The following PDE4D variants were observed in gnomAD, a reference collection of about 807,000 sequenced individuals.
PDE4D encodes the protein 3',5'-cyclic-AMP phosphodiesterase 4D.
Under a neutral mutation model 87.4 loss-of-function variants are expected in PDE4D, and 24 were observed. The observed-to-expected ratio is 0.27, with a 90% confidence interval of 0.20 to 0.39. The LOEUF is 0.39. PDE4D is among the 10% of genes least tolerant of loss of function. PDE4D has a pLI of 1.00. For synonymous variants in PDE4D, 384 were observed against 383.2 expected, an observed-to-expected ratio of 1.00 and a Z score of -0.02; for missense variants, 714 against 1,041.0, an observed-to-expected ratio of 0.69 and a Z score of 4.32.
intron 1 of PDE4D, among the ~76,000 whole-genome samples, chr5:60,192,045 C>G (rs1785238632): frequency 6.6e-6 from 1 of 152,052 alleles, no homozygotes; most frequent in Non-Finnish European, 1.5e-5. Flanking sequence ...CATTATCATT[C>G]TTTTGCCTTT....
rs554791891 is a variant in PDE4D, at chr5:60,419,142, A to G, written c.-90+68800T>C. On this transcript the variant is annotated intron_variant, in intron 1 of 16. Coordinates refer to the PDE4D transcript ENST00000502484. The stretch of plus-strand genomic sequence containing the variant: ...TCAGGTAGCAATTGCACTTTTATGA[A>G]TGTATCCTACAGATATACTGGCATA... Among the ~76,000 whole-genome samples the G allele has an allele frequency of 4.6e-5, 7 of 152,300 alleles. No individual in the cohort carries two copies. The East Asian group carries it at 1.4e-3, about 29-fold the overall frequency.
chr5:59,575,368 T>A (rs988103575), intron 1 of PDE4D, among the ~76,000 whole-genome samples: 4 of 152,144 alleles, frequency 2.6e-5, no homozygotes, highest in Non-Finnish European at 5.9e-5. Flanking sequence ...TTACAGACTT[T>A]TATCTCACCA....
intron 1 of PDE4D, among the ~76,000 whole-genome samples, chr5:59,689,579 T>G (rs1305649520): frequency 1.3e-5 from 2 of 152,100 alleles, no homozygotes; most frequent in African/African-American, 2.4e-5. Context: ...CTCAAAATAA[T>G]AAGAGCTATT....
At chr5:60,083,705 ATAC>A (rs1774227262) in intron 2 of PDE4D, among the ~76,000 whole-genome samples, 1 of 152,238 alleles carries the variant, frequency 6.6e-6, no homozygotes, top group South Asian at 2.1e-4. Flanking sequence ...GGCCTCAGAA[ATAC>A]TACTTCCTGT....
chr5:60,478,044 A>G (rs752248655), intron 1 of PDE4D, among the ~76,000 whole-genome samples: 36 of 152,216 alleles, frequency 2.4e-4, no homozygotes, highest in Non-Finnish European at 4.7e-4. Flanking sequence ...TTACACAACA[A>G]TAGCTAACTG....
At chr5:59,885,427 C>G (rs1749999817) in intron 1 of PDE4D, among the ~76,000 whole-genome samples, 1 of 152,124 alleles carries the variant, frequency 6.6e-6, no homozygotes, top group Non-Finnish European at 1.5e-5. Flanking sequence ...CCATTTCAAA[C>G]TGCTTACTTT....
chr5:60,338,727 G>A (rs989071397), intron 1 of PDE4D, among the ~76,000 whole-genome samples: 12 of 151,850 alleles, frequency 7.9e-5, no homozygotes, highest in African/African-American at 2.7e-4. Flanking sequence ...GGGGATGCTG[G>A]CAATTTGAAT....
chr5:59,222,427 G>A (rs548117678), intron 1 of PDE4D, among the ~76,000 whole-genome samples: 2 of 152,216 alleles, frequency 1.3e-5, no homozygotes, highest in African/African-American at 4.8e-5. Context: ...TAGCCATCAG[G>A]ACCTTATACT....
intron 1 of PDE4D, among the ~76,000 whole-genome samples, chr5:60,485,942 C>A (rs1177239460): frequency 1.3e-5 from 2 of 152,184 alleles, no homozygotes; most frequent in East Asian, 3.8e-4. Flanking sequence ...TTTTAAACAT[C>A]CTCTGAATTA....
intron 1 of PDE4D, among the ~76,000 whole-genome samples, chr5:59,295,344 A>T (rs887043173): frequency 6.6e-6 from 1 of 152,146 alleles, no homozygotes; most frequent in Non-Finnish European, 1.5e-5. Context: ...AAGTCTATGG[A>T]AGTTGTATTT....
chr5:59,318,566 A>T (rs1774153966), intron 1 of PDE4D, among the ~76,000 whole-genome samples: 1 of 152,098 alleles, frequency 6.6e-6, no homozygotes, highest in Non-Finnish European at 1.5e-5. Context: ...TTTTTTAAAA[A>T]AAGGGTTCTG....
chr5:59,198,436 C>G (rs1285076643), intron 2 of PDE4D, among the ~76,000 whole-genome samples: 2 of 152,178 alleles, frequency 1.3e-5, no homozygotes, highest in East Asian at 3.9e-4. Context: ...ACTTCTAGAA[C>G]AGCCAGGATG....
intron 1 of PDE4D, among the ~76,000 whole-genome samples, chr5:59,646,887 T>G (rs187736669): frequency 6.6e-6 from 1 of 152,094 alleles, no homozygotes; most frequent in East Asian, 1.9e-4. Flanking sequence ...TACAAAAAAT[T>G]AGCTGATCAT....
intron 5 of PDE4D, among the ~76,000 whole-genome samples, chr5:59,130,032 T>C (rs551635731): frequency 7.9e-5 from 12 of 152,250 alleles, no homozygotes; most frequent in African/African-American, 4.8e-5. Context: ...ATTAGTAAGA[T>C]TGAACAAAGG....
intron 1 of PDE4D, among the ~76,000 whole-genome samples, chr5:59,413,478 A>G (rs918702075): frequency 5.3e-5 from 8 of 151,176 alleles, no homozygotes; most frequent in African/African-American, 1.5e-4. Context: ...AAAAAAAAAA[A>G]AAAGAAATGC....
At chr5:60,007,281 T>C (rs1218520322) in intron 2 of PDE4D, among the ~76,000 whole-genome samples, 1 of 152,028 alleles carries the variant, frequency 6.6e-6, no homozygotes, top group Non-Finnish European at 1.5e-5. Flanking sequence ...GAATAACAAA[T>C]CATGCCAAAC....
At chr5:60,047,518 T>G (rs1009046203) in intron 2 of PDE4D, among the ~76,000 whole-genome samples, 9 of 152,314 alleles carry the variant, frequency 5.9e-5, no homozygotes, top group African/African-American at 1.9e-4. Flanking sequence ...GCTATAAATT[T>G]CCCTCTACAC....
At chr5:60,134,923 A>AC (rs1278513391) in intron 2 of PDE4D, among the ~76,000 whole-genome samples, 1 of 152,198 alleles carries the variant, frequency 6.6e-6, no homozygotes, top group African/African-American at 2.4e-5. Context: ...TTCAGGATTT[A>AC]CACCCACTCC....
intron 1 of PDE4D, among the ~76,000 whole-genome samples, chr5:59,230,457 C>T (rs957234875): frequency 3.9e-5 from 6 of 152,006 alleles, no homozygotes; most frequent in Non-Finnish European, 1.5e-5. Context: ...GGTATTTAGG[C>T]TTACTAAAAA....
Sources: gnomAD v4.1 joint callset for allele counts (sites outside exome capture counted in the v4.1 genomes callset) on GRCh38, gnomAD v4.1.1 for gene constraint, MANE v1.5 for transcripts, NCBI Gene and HGNC (gene_info 2026-07-23, HGNC 2026-07-21) for gene names.